SNTB1: variants seen among roughly 807,000 people sequenced by gnomAD.
The protein encoded by SNTB1 is beta-1-syntrophin.
Under a neutral mutation model 48.9 loss-of-function variants are expected in SNTB1, and 36 were observed. The observed-to-expected ratio is 0.74, with a 90% confidence interval of 0.56 to 0.97. The LOEUF is 0.97. SNTB1 is among the 50% of genes least tolerant of loss of function. The pLI, the probability that SNTB1 is intolerant of heterozygous loss-of-function variation, is 0.00. For missense variants in SNTB1, 786 were observed against 703.4 expected, an observed-to-expected ratio of 1.12 and a Z score of -1.33; for synonymous variants, 299 against 294.6, an observed-to-expected ratio of 1.01 and a Z score of -0.15.
At chr8:120,706,057 A>C (rs1389810083) in intron 1 of SNTB1, among the ~76,000 whole-genome samples, 1 of 151,354 alleles carries the variant, frequency 6.6e-6, no homozygotes, top group East Asian at 1.9e-4. Flanking sequence ...TAGGATTGTT[A>C]CAAGGATTAA....
chr8:120,744,970 A>C (rs1819102116), intron 1 of SNTB1, among the ~76,000 whole-genome samples: 1 of 152,124 alleles, frequency 6.6e-6, no homozygotes, highest in Non-Finnish European at 1.5e-5. Flanking sequence ...CTTGCCCCCA[A>C]ATCCATCGTC....
chr8:120,557,319 C>T (rs540478081), intron 4 of SNTB1, among the ~76,000 whole-genome samples: 2 of 152,352 alleles, frequency 1.3e-5, no homozygotes, highest in South Asian at 4.1e-4. Context: ...AAAGCCATCT[C>T]TGGACCTTGG....
chr8:120,777,119 A>G (rs2130119270), intron 1 of SNTB1, among the ~76,000 whole-genome samples: 1 of 152,226 alleles, frequency 6.6e-6, no homozygotes, highest in East Asian at 1.9e-4. Flanking sequence ...GTCCTTTGAA[A>G]GAATTGCTAC....
intron 3 of SNTB1, among the ~76,000 whole-genome samples, chr8:120,592,239 T>C (rs1816251366): frequency 6.6e-6 from 1 of 152,078 alleles, no homozygotes; most frequent in South Asian, 2.1e-4. Context: ...TGGAGTGCAG[T>C]GTCGTGATCA....
intron 3 of SNTB1, among the ~76,000 whole-genome samples, chr8:120,615,183 C>T (rs1288203637): frequency 6.6e-6 from 1 of 151,910 alleles, no homozygotes; most frequent in Non-Finnish European, 1.5e-5. Flanking sequence ...CAAAAAGATG[C>T]TAGTGCACTG....
chr8:120,771,895 G>T (rs1177103856), intron 1 of SNTB1, among the ~76,000 whole-genome samples: 1 of 151,930 alleles, frequency 6.6e-6, no homozygotes, highest in Non-Finnish European at 1.5e-5. Context: ...TTGAGACAAG[G>T]TTTCACTCCC....
At chr8:120,781,633 G>A in intron 1 of SNTB1, among the ~76,000 whole-genome samples, 1 of 152,080 alleles carries the variant, frequency 6.6e-6, no homozygotes, top group African/African-American at 2.4e-5. Context: ...ATTCCTACTA[G>A]GTCTGTGTAT....
At chr8:120,714,640 C>T (rs144115536) in intron 1 of SNTB1, among the ~76,000 whole-genome samples, 2 of 152,152 alleles carry the variant, frequency 1.3e-5, no homozygotes, top group African/African-American at 4.8e-5. Flanking sequence ...ATCTCAGAAG[C>T]CTGTTAATTG....
chr8:120,704,073 T>C (rs1489949456), intron 1 of SNTB1, among the ~76,000 whole-genome samples: 2 of 152,316 alleles, frequency 1.3e-5, no homozygotes, highest in East Asian at 3.9e-4. Context: ...TCTTGCATCC[T>C]GGATGCTGCC....
chr8:120,725,547 G>C (rs1480918654), intron 1 of SNTB1, among the ~76,000 whole-genome samples: 1 of 152,180 alleles, frequency 6.6e-6, no homozygotes. Flanking sequence ...CTAATCTCCT[G>C]TGAGATTTCA....
intron 3 of SNTB1, among the ~76,000 whole-genome samples, chr8:120,618,857 G>A (rs1563833070): frequency 6.6e-6 from 1 of 152,110 alleles, no homozygotes; most frequent in Non-Finnish European, 1.5e-5. Context: ...GGAGAAGTTG[G>A]TTTCCACATT....
Position 120,799,666 on chromosome 8 carries a change from A to C in SNTB1, c.571+11607T>G, listed in dbSNP as rs931761227. Reference sequence around the variant, plus strand: ...TAGTGGGTCAATATGGGGAGAGTCCAATGTTCAGTTAATAGGATTTCCGCA... The same window carrying C: ...TAGTGGGTCAATATGGGGAGAGTCCCATGTTCAGTTAATAGGATTTCCGCA... On this transcript the variant is annotated intron_variant, in intron 1 of 6. Coordinates refer to ENST00000517992, the MANE Select transcript of SNTB1 (RefSeq NM_021021.4). Among the ~76,000 whole-genome samples the C allele has an allele frequency of 4.6e-5, 7 of 152,122 alleles. No individual in the cohort carries two copies. In the East Asian group the frequency reaches 9.7e-4, roughly 21 times the overall value.
chr8:120,582,690 G>A lies in SNTB1; in HGVS notation c.997-7465C>T, dbSNP rs544058551. ...AACCAAACACTGCATGTTCTCACTC[G>A]TAAGTGGGAGTTGAACAATGAGAAC... On this transcript the variant is annotated intron_variant, in intron 3 of 6. Transcript: ENST00000517992. Among the ~76,000 whole-genome samples the A allele has an allele frequency of 5.3e-5, 8 of 151,968 alleles. No individual in the cohort carries two copies. The East Asian group carries it at 7.7e-4, about 15-fold the overall frequency.
chr8:120,588,753 C>T (rs557093150), intron 3 of SNTB1, among the ~76,000 whole-genome samples: 2 of 152,192 alleles, frequency 1.3e-5, no homozygotes, highest in Non-Finnish European at 2.9e-5. Context: ...TAATGTATTT[C>T]AAGGGTATTT....
chr8:120,805,656 A>G (rs1820323458), intron 1 of SNTB1, among the ~76,000 whole-genome samples: 1 of 152,212 alleles, frequency 6.6e-6, no homozygotes, highest in African/African-American at 2.4e-5. Flanking sequence ...GACTTTAAAA[A>G]CTGTAATAAA....
At chr8:120,758,225 G>A (rs545745047) in intron 1 of SNTB1, among the ~76,000 whole-genome samples, 1 of 152,174 alleles carries the variant, frequency 6.6e-6, no homozygotes, top group African/African-American at 2.4e-5. Flanking sequence ...ATTTTGTCAA[G>A]AGAGCTAATA....
At chr8:120,539,216 T>C (rs1815246408) in intron 6 of SNTB1, among the ~76,000 whole-genome samples, 1 of 152,202 alleles carries the variant, frequency 6.6e-6, no homozygotes, top group Non-Finnish European at 1.5e-5. Context: ...ACCATAAATA[T>C]TGATGTTGCC....
intron 6 of SNTB1, among the ~76,000 whole-genome samples, chr8:120,540,348 A>G (rs939560220): frequency 2.6e-5 from 4 of 152,200 alleles, no homozygotes; most frequent in African/African-American, 9.6e-5. Flanking sequence ...CGTCAACTAA[A>G]TGTACTGGCA....
At chr8:120,798,800 C>G (rs982848293) in intron 1 of SNTB1, among the ~76,000 whole-genome samples, 6 of 152,034 alleles carry the variant, frequency 3.9e-5, no homozygotes, top group African/African-American at 1.4e-4. Flanking sequence ...GAAAATGTGT[C>G]TAGGGCTGCG....
Sources: gnomAD v4.1 joint callset for allele counts (sites outside exome capture counted in the v4.1 genomes callset) on GRCh38, gnomAD v4.1.1 for gene constraint, MANE v1.5 for transcripts, NCBI Gene and HGNC (gene_info 2026-07-23, HGNC 2026-07-21) for gene names.